Variants in PCSK5 observed in about 807,000 individuals in gnomAD.
PCSK5 encodes the protein prohormone convertase 5.
A neutral mutation model predicts 233.2 loss-of-function variants in PCSK5; 129 were observed. The observed-to-expected ratio is 0.55, with a 90% confidence interval of 0.48 to 0.64. The LOEUF (loss-of-function observed/expected upper bound fraction) is 0.64. Among genes scored for constraint, PCSK5 ranks in the 30% least tolerant of loss-of-function variants. PCSK5 has a pLI of 0.00. For missense variants in PCSK5, 2,076 were observed against 2,430.1 expected (o/e 0.85, Z 3.06); for synonymous variants, 825 against 879.2 (o/e 0.94, Z 1.09).
intron 3 of PCSK5, among the ~76,000 whole-genome samples, chr9:76,011,735 A>G (rs1322341760): frequency 6.6e-6 from 1 of 152,228 alleles, no homozygotes; most frequent in African/African-American, 2.4e-5. Context: ...TTTAAATGAC[A>G]ATAGGTTGGG....
rs547438355 is a variant in PCSK5, at chr9:76,050,455, A to ACACTCAGT, written c.633-17499_633-17492dup. 2.6e-4 allele frequency among the ~76,000 whole-genome samples: 39 copies of ACACTCAGT among 152,324 alleles called. No individual in the cohort carries two copies. In the South Asian group the frequency reaches 8.1e-3, roughly 32 times the overall value. On this transcript the variant is annotated intron_variant, in intron 5 of 37. Coordinates refer to ENST00000674117, the MANE Select transcript of PCSK5 (RefSeq NM_001372043.1). ...GATCTTTTCTAGTCTCTTAGCATAT[A>ACACTCAGT]CACTCAGTATACACTTCATATTTCA... is the stretch of plus-strand genomic sequence containing the variant.
chr9:76,351,456 G>T lies in PCSK5; in HGVS notation c.5067+528G>T, dbSNP rs1472979776. On this transcript the variant is annotated intron_variant, in intron 36 of 37. Transcript: ENST00000674117. ...TGCAATGTGAAAGAAAGGAAAGAAA[G>T]AAAGAAAGAAAGAAAGAAAGAAAGA... is the stretch of plus-strand genomic sequence containing the variant. 1.0e-4 allele frequency among the ~76,000 whole-genome samples: 2 copies of T among 19,392 alleles called. 1 individual carries two copies. Among genetic ancestry groups the T allele is most frequent in the Non-Finnish European group, 2.0e-4 (2 of 10,078 alleles). 12.7% of individuals were successfully genotyped at this position (19,392 alleles called of 152,430 possible). A position where few individuals can be genotyped will look rare whatever the true frequency, so the allele number is the denominator to read the frequency against.
intron 21 of PCSK5, among the ~76,000 whole-genome samples, chr9:76,229,433 T>C (rs1271782837): frequency 6.6e-6 from 1 of 152,222 alleles, no homozygotes; most frequent in African/African-American, 2.4e-5. Context: ...GTATTTAACA[T>C]GCAAAGCTCT....
At chr9:75,930,208 A>G (rs1434567616) in intron 1 of PCSK5, among the ~76,000 whole-genome samples, 3 of 152,068 alleles carry the variant, frequency 2.0e-5, no homozygotes, top group Admixed American at 6.6e-5. Context: ...TATGGGGGGA[A>G]CCCACCCCAT....
intron 24 of PCSK5, among the ~76,000 whole-genome samples, chr9:76,288,862 T>C (rs926627763): frequency 6.6e-6 from 1 of 152,146 alleles, no homozygotes; most frequent in African/African-American, 2.4e-5. Context: ...TTCCAATACA[T>C]CTTATAGGTA....
At chr9:76,316,117 C>G (rs944392384) in intron 30 of PCSK5, among the ~76,000 whole-genome samples, 1 of 152,034 alleles carries the variant, frequency 6.6e-6, no homozygotes, top group African/African-American at 2.4e-5. Context: ...AGGTCTTGGC[C>G]AGGCCTAGCA....
At chr9:76,097,214 T>A (rs1415549439) in intron 8 of PCSK5, among the ~76,000 whole-genome samples, 1 of 146,676 alleles carries the variant, frequency 6.8e-6, no homozygotes, top group African/African-American at 2.5e-5. Flanking sequence ...ATTACAGGTG[T>A]AAGGCACCGC....
chr9:76,324,781 G>A (rs149652638), intron 32 of PCSK5, among the ~76,000 whole-genome samples: 13 of 152,226 alleles, frequency 8.5e-5, no homozygotes, highest in East Asian at 3.9e-4. Context: ...GTTGTGGGGC[G>A]GGGGCTTTTC....
At chr9:76,215,342 G>T (rs1486622267) in intron 20 of PCSK5, among the ~76,000 whole-genome samples, 2 of 152,218 alleles carry the variant, frequency 1.3e-5, no homozygotes, top group African/African-American at 4.8e-5. Flanking sequence ...TGAGTCACCA[G>T]CTCTGCCTGA....
At chr9:76,178,444 G>T (rs1045385216) in intron 14 of PCSK5, among the ~76,000 whole-genome samples, 3 of 152,148 alleles carry the variant, frequency 2.0e-5, no homozygotes, top group Non-Finnish European at 4.4e-5. Context: ...TCCTCACCAT[G>T]TGATACTGGG....
chr9:76,192,067 C>CAAAAA lies in PCSK5; in HGVS notation c.2626+2337_2626+2341dup, dbSNP rs5898457. 5.1e-3 allele frequency among the ~76,000 whole-genome samples: 519 copies of CAAAAA among 100,846 alleles called. 18 individuals carry two copies. The highest frequency in any genetic ancestry group is 0.033 in the Middle Eastern group (6 of 180). 66.2% of individuals were successfully genotyped at this position (100,846 alleles called of 152,430 possible). A position where few individuals can be genotyped will look rare whatever the true frequency, so the allele number is the denominator to read the frequency against. The stretch of plus-strand genomic sequence containing the variant: ...CCTAGGCAACAGAGCAAGACTGTCT[C>CAAAAA]AAAAAAAAAAAAAAAAAAAAGAAGT... On this transcript the variant is annotated intron_variant, in intron 20 of 37. Transcript: ENST00000674117.
At chr9:76,335,538 TTAC>T (rs1829655511) in intron 34 of PCSK5, among the ~76,000 whole-genome samples, 1 of 152,226 alleles carries the variant, frequency 6.6e-6, no homozygotes, top group Non-Finnish European at 1.5e-5. Flanking sequence ...AAAGCCTAGG[TTAC>T]TGCTTGTGCT....
At chr9:76,015,110 A>C (rs1272233277) in intron 3 of PCSK5, among the ~76,000 whole-genome samples, 2 of 152,242 alleles carry the variant, frequency 1.3e-5, no homozygotes, top group Non-Finnish European at 2.9e-5. Context: ...CTGGAGAACC[A>C]GGAGAGCCAA....
chr9:76,055,780 C>T (rs1237210094), intron 5 of PCSK5, among the ~76,000 whole-genome samples: 1 of 152,214 alleles, frequency 6.6e-6, no homozygotes, highest in Admixed American at 6.5e-5. Context: ...CTAGGATACC[C>T]TGGTCTAGTT....
At chr9:75,976,684 A>G (rs1268436462) in intron 2 of PCSK5, among the ~76,000 whole-genome samples, 3 of 151,908 alleles carry the variant, frequency 2.0e-5, no homozygotes, top group Non-Finnish European at 2.9e-5. Flanking sequence ...GTAGTCTTAA[A>G]TTTAAATGTT....
intron 20 of PCSK5, among the ~76,000 whole-genome samples, chr9:76,191,825 A>G (rs1315669317): frequency 1.3e-5 from 2 of 152,160 alleles, no homozygotes; most frequent in African/African-American, 2.4e-5. Flanking sequence ...ATTTCTGAAT[A>G]TGACCAGAAT....
At chr9:76,167,041 G>C (rs1249823922) in intron 12 of PCSK5, among the ~76,000 whole-genome samples, 1 of 152,160 alleles carries the variant, frequency 6.6e-6, no homozygotes, top group East Asian at 1.9e-4. Context: ...TGGTTGTTCA[G>C]TGGATTGTAG....
intron 27 of PCSK5, among the ~76,000 whole-genome samples, chr9:76,300,273 A>G (rs1170571891): frequency 6.6e-6 from 1 of 152,194 alleles, no homozygotes; most frequent in Non-Finnish European, 1.5e-5. Context: ...TGATTTTTAG[A>G]GAGACTTTAT....
Position 76,263,296 on chromosome 9 carries a change from A to G in PCSK5, c.3142+22612A>G, listed in dbSNP as rs145249616. Among the ~76,000 whole-genome samples, 218 of 152,354 alleles carry G rather than the reference A, an allele frequency of 1.4e-3. 1 individual carries two copies. Among genetic ancestry groups the G allele is most frequent in the African/African-American group, 5.1e-3 (214 of 41,584 alleles). ...TTACTGGGTGTATAACCAAAGGACT[A>G]TAAATCATGCTGCTATAAAGACACA... is the stretch of plus-strand genomic sequence containing the variant. On this transcript the variant is annotated intron_variant, in intron 24 of 37. Coordinates refer to ENST00000674117, the MANE Select transcript of PCSK5 (RefSeq NM_001372043.1).
Sources: gnomAD v4.1 joint callset for allele counts (sites outside exome capture counted in the v4.1 genomes callset) on GRCh38, gnomAD v4.1.1 for gene constraint, MANE v1.5 for transcripts, NCBI Gene and HGNC (gene_info 2026-07-23, HGNC 2026-07-21) for gene names.